RBFOX1: variants seen among roughly 807,000 people sequenced by gnomAD.
RBFOX1 encodes RNA binding fox-1 homolog 1.
RBFOX1 carries 8 observed loss-of-function variants against 57.7 expected under a neutral mutation model. The observed-to-expected ratio is 0.14, with a 90% CI of 0.08 to 0.25. RBFOX1 has a LOEUF of 0.25. RBFOX1 is among the 10% of genes least tolerant of loss of function. RBFOX1 has a pLI of 1.00. For synonymous variants in RBFOX1, 326 were observed against 222.4 expected (o/e 1.47, Z -4.15); for missense variants, 611 against 548.5 (o/e 1.11, Z -1.14).
At chr16:5,525,491 ATTTTT>A (rs71404528) in intron 2 of RBFOX1, among the ~76,000 whole-genome samples, 922 of 78,290 alleles carry the variant, frequency 0.012, 19 homozygotes, top group African/African-American at 0.048. Flanking sequence ...AGCCGACACT[ATTTTT>A]TTTTTTTTTT....
chr16:5,856,230 T>TATAC lies in RBFOX1; in HGVS notation c.319-11070_319-11069insCATA, dbSNP rs1555547652. 9.7e-4 allele frequency among the ~76,000 whole-genome samples: 63 copies of TATAC among 65,080 alleles called. 2 individuals are homozygous for TATAC. The highest frequency in any genetic ancestry group is 3.7e-3 in the African/African-American group (59 of 15,944). 42.7% of individuals were successfully genotyped at this position (65,080 alleles called of 152,430 possible). Reference sequence around the variant, plus strand: ...ATACATATATATGTATATATATATGTATATATATGTGTATATATATGTATA... The same window carrying TATAC: ...ATACATATATATGTATATATATATGTATACATATATATGTGTATATATATGTATA... On this transcript the variant is annotated intron_variant, in intron 3 of 19. Transcript: ENST00000641259.
chr16:7,057,832 AC>A (rs1011224087), intron 4 of RBFOX1, among the ~76,000 whole-genome samples: 1 of 151,878 alleles, frequency 6.6e-6, no homozygotes, highest in African/African-American at 2.4e-5. Context: ...ACATGGTGAA[AC>A]CCCGTCTCTG....
At chr16:7,041,270 A>G (rs1014562809) in intron 3 of RBFOX1, among the ~76,000 whole-genome samples, 1 of 151,902 alleles carries the variant, frequency 6.6e-6, no homozygotes, top group African/African-American at 2.4e-5. Flanking sequence ...AGTGGCACCC[A>G]TTTGTTTACA....
intron 2 of RBFOX1, among the ~76,000 whole-genome samples, chr16:6,485,390 C>T (rs1173998658): frequency 9.2e-5 from 14 of 151,564 alleles, no homozygotes. Flanking sequence ...CTGGGTATTT[C>T]TTCCTCCTTA....
In RBFOX1 at chr16:5,888,353, T is replaced by TATC. The variant is rs144764965; in HGVS notation, c.351+21020_351+21022dup. Among the ~76,000 whole-genome samples, 203 of 152,328 alleles carry TATC rather than the reference T, an allele frequency of 1.3e-3. 2 individuals are homozygous for TATC. In the East Asian group the frequency reaches 0.024, roughly 18 times the overall value. On this transcript the variant is annotated intron_variant, in intron 4 of 19. Transcript: ENST00000641259. ...TACAAAGCTTTTTTTCTTAATGACT[T>TATC]ATCACAATTTATGATCATTTTACTC...
intron 2 of RBFOX1, among the ~76,000 whole-genome samples, chr16:5,570,049 T>A (rs2046225992): frequency 6.6e-6 from 1 of 152,198 alleles, no homozygotes; most frequent in South Asian, 2.1e-4. Flanking sequence ...CCAGTGACAT[T>A]TACAGAAGAG....
chr16:5,290,475 C>T (rs1321990784), intron 1 of RBFOX1, among the ~76,000 whole-genome samples: 4 of 151,974 alleles, frequency 2.6e-5, no homozygotes, highest in Non-Finnish European at 4.4e-5. Context: ...TGGTGGTTGC[C>T]GAGCTCTGTG....
chr16:7,283,249 C>T (rs1003518870), intron 4 of RBFOX1, among the ~76,000 whole-genome samples: 1 of 151,814 alleles, frequency 6.6e-6, no homozygotes, highest in Non-Finnish European at 1.5e-5. Context: ...TCTGTTCGTT[C>T]ATCCCCTAGT....
intron 4 of RBFOX1, among the ~76,000 whole-genome samples, chr16:7,494,830 CTTTTTT>C (rs61434992): frequency 5.6e-5 from 7 of 125,438 alleles, no homozygotes; most frequent in East Asian, 2.2e-4. Flanking sequence ...GTGTTACCTA[CTTTTTT>C]TTTTTTTTTT....
intron 3 of RBFOX1, among the ~76,000 whole-genome samples, chr16:5,850,193 G>A (rs1489564029): frequency 1.3e-5 from 2 of 152,152 alleles, no homozygotes; most frequent in Non-Finnish European, 2.9e-5. Flanking sequence ...TTATCCAGAG[G>A]GATAAGCGGA....
At chr16:7,327,266 C>G (rs1347873858) in intron 4 of RBFOX1, among the ~76,000 whole-genome samples, 2 of 152,116 alleles carry the variant, frequency 1.3e-5, no homozygotes, top group African/African-American at 4.8e-5. Flanking sequence ...AAAGTGGATT[C>G]ACAGAGGTAT....
chr16:5,704,507 T>C (rs2051168347), intron 3 of RBFOX1, among the ~76,000 whole-genome samples: 1 of 152,178 alleles, frequency 6.6e-6, no homozygotes, highest in South Asian at 2.1e-4. Flanking sequence ...CTACTTTGCA[T>C]ACTAATAAAG....
intron 3 of RBFOX1, among the ~76,000 whole-genome samples, chr16:6,778,259 G>T (rs952273501): frequency 6.6e-6 from 1 of 152,046 alleles, no homozygotes; most frequent in Non-Finnish European, 1.5e-5. Context: ...ATGTTTTTCA[G>T]TGTTTTTTAT....
chr16:7,435,915 G>A (rs571196384), intron 4 of RBFOX1, among the ~76,000 whole-genome samples: 1 of 152,188 alleles, frequency 6.6e-6, no homozygotes, highest in Admixed American at 6.5e-5. Flanking sequence ...ACCAAAGCAG[G>A]CAGCACTTGT....
intron 3 of RBFOX1, among the ~76,000 whole-genome samples, chr16:6,686,422 T>G (rs1169177009): frequency 6.6e-6 from 1 of 152,220 alleles, no homozygotes; most frequent in Non-Finnish European, 1.5e-5. Context: ...AGAACTGCTA[T>G]GCGCAGGCCT....
intron 1 of RBFOX1, among the ~76,000 whole-genome samples, chr16:6,162,411 G>A (rs555779985): frequency 2.0e-4 from 31 of 152,184 alleles, no homozygotes; most frequent in African/African-American, 7.2e-4. Flanking sequence ...CACTGCACCT[G>A]GCCCAGATTT....
intron 3 of RBFOX1, among the ~76,000 whole-genome samples, chr16:6,870,225 G>A (rs940488227): frequency 6.6e-6 from 1 of 152,126 alleles, no homozygotes; most frequent in Non-Finnish European, 1.5e-5. Flanking sequence ...AGAGCCAAGA[G>A]AGTTAGCAGC....
chr16:6,741,954 T>C (rs2072296709), intron 3 of RBFOX1, among the ~76,000 whole-genome samples: 1 of 152,176 alleles, frequency 6.6e-6, no homozygotes, highest in Non-Finnish European at 1.5e-5. Flanking sequence ...TTCTGTATTA[T>C]ATTCTTGAAA....
At chr16:6,747,031 A>G (rs1782913912) in intron 3 of RBFOX1, among the ~76,000 whole-genome samples, 1 of 152,138 alleles carries the variant, frequency 6.6e-6, no homozygotes, top group South Asian at 2.1e-4. Flanking sequence ...GTGTTAGCCT[A>G]CAGAAGTCCT....
Sources: gnomAD v4.1 joint callset for allele counts (sites outside exome capture counted in the v4.1 genomes callset) on GRCh38, gnomAD v4.1.1 for gene constraint, MANE v1.5 for transcripts, NCBI Gene and HGNC (gene_info 2026-07-23, HGNC 2026-07-21) for gene names.